ADGRV1: variants seen among roughly 807,000 people sequenced by gnomAD.
ADGRV1 encodes G-protein coupled receptor 98.
In ADGRV1, 359 loss-of-function variants were observed where a neutral mutation model predicts 596.2. That is an observed-to-expected ratio of 0.60 (90% CI 0.55 to 0.66). The LOEUF is 0.66. Ranked by LOEUF, ADGRV1 falls within the 30% of genes least tolerant of loss-of-function variation. The pLI is 0.00. For missense variants in ADGRV1, 7,274 were observed against 7,575.6 expected (o/e 0.96, Z 1.48); for synonymous variants, 2,681 against 2,679.2 (o/e 1.00, Z -0.02).
In ADGRV1 at chr5:90,692,658, T is replaced by G. The variant is rs753961140; in HGVS notation, c.7005T>G (p.Asp2335Glu). The change falls in exon 32 of 90, where the codon GAT becomes GAG. Residue 2335 changes from aspartate (D) to glutamate (E), a missense_variant. By Grantham distance (45) the Asp-to-Glu change is conservative. Coordinates refer to ENST00000405460, the MANE Select transcript of ADGRV1 (RefSeq NM_032119.4). ...DASGGGTIGL[D>E]RIANIIIPAN... ...CTGGTGGAGGTACTATTGGGTTAGA[T>G]CGAATTGCAAATATTATTATTCCTG... 26 of 1,611,536 alleles carry G rather than the reference T, an allele frequency of 1.6e-5. No homozygotes were observed. Among genetic ancestry groups the G allele is most frequent in the Middle Eastern group, 1.6e-4 (1 of 6,082 alleles).
chr5:90,902,653 A>C (rs2150646459), intron 83 of ADGRV1, among the ~76,000 whole-genome samples: 1 of 152,290 alleles, frequency 6.6e-6, no homozygotes. Context: ...ATCATTTTTA[A>C]GCGATGATAA....
intron 83 of ADGRV1, among the ~76,000 whole-genome samples, chr5:90,869,833 T>TATGTG (rs1186365168): frequency 6.6e-6 from 1 of 152,164 alleles, no homozygotes; most frequent in Non-Finnish European, 1.5e-5. Flanking sequence ...AGAGTTTAAT[T>TATGTG]ACTTGCCATA....
chr5:91,083,531 G>T (rs1266946888), intron 86 of ADGRV1, among the ~76,000 whole-genome samples: 1 of 151,712 alleles, frequency 6.6e-6, no homozygotes, highest in Non-Finnish European at 1.5e-5. Flanking sequence ...TTTGTTTTTT[G>T]TTTTCAGAGA....
rs2149656491 is a variant in ADGRV1, at chr5:90,696,989, G to A, written c.7998G>A (p.Glu2666=). 3.1e-6 allele frequency: 5 copies of A among 1,613,136 alleles called. No homozygotes were observed. The highest frequency in any genetic ancestry group is 3.4e-6 in the Non-Finnish European group (4 of 1,179,334). Reference sequence around the variant, plus strand: ...CCATCTTGGATGACTCTGAACCAGAGGATGACGAAAGTATCATAGTTAGTT... The same window carrying A: ...CCATCTTGGATGACTCTGAACCAGAAGATGACGAAAGTATCATAGTTAGTT... The part of the protein sequence containing the change: ...ILTILDDSEP[E]DDESIIVSLV... The change falls in exon 34 of 90, where the codon GAG becomes GAA. Residue 2666 remains glutamate (E), a synonymous_variant. Coordinates refer to ENST00000405460, the MANE Select transcript of ADGRV1 (RefSeq NM_032119.4).
At chr5:90,890,543 A>C (rs1770711850) in intron 83 of ADGRV1, among the ~76,000 whole-genome samples, 1 of 152,202 alleles carries the variant, frequency 6.6e-6, no homozygotes, top group Admixed American at 6.6e-5. Flanking sequence ...TGAGGTAGGC[A>C]TATTATGAAG....
chr5:91,124,391 A>G (rs1015312629), intron 87 of ADGRV1, among the ~76,000 whole-genome samples: 5 of 152,198 alleles, frequency 3.3e-5, no homozygotes, highest in Admixed American at 6.5e-5. Context: ...TTCTCTCACC[A>G]TTAAGTGGGG....
intron 79 of ADGRV1, among the ~76,000 whole-genome samples, chr5:90,850,009 G>A (rs1316321120): frequency 3.3e-5 from 5 of 152,118 alleles, no homozygotes; most frequent in African/African-American, 4.8e-5. Flanking sequence ...ATTTACAGAT[G>A]TAGACACTAA....
rs1748594742 is a variant in ADGRV1, at chr5:90,706,364, A to T, written c.8700A>T (p.Thr2900=). Residue 2900 remains threonine, a synonymous_variant, in exon 38 of 90, where the codon ACA becomes ACT. Transcript: ENST00000405460. The part of the protein sequence containing the change: ...IGFLILEEGE[T]AAAINITILE... Reference sequence around the variant, plus strand: ...TTCTGATTTTAGAAGAAGGGGAAACAGCAGCAGCCATCAACATTACCATTC... The same window carrying T: ...TTCTGATTTTAGAAGAAGGGGAAACTGCAGCAGCCATCAACATTACCATTC... 1 of 1,610,974 alleles carries T rather than the reference A, an allele frequency of 6.2e-7. No homozygotes were observed. The highest frequency in any genetic ancestry group is 8.5e-7 in the Non-Finnish European group (1 of 1,178,748).
chr5:90,992,324 C>T (rs1270833419), intron 85 of ADGRV1, among the ~76,000 whole-genome samples: 1 of 152,148 alleles, frequency 6.6e-6, no homozygotes, highest in Non-Finnish European at 1.5e-5. Context: ...TCTGCTAATA[C>T]CTTGTTCTCT....
intron 85 of ADGRV1, among the ~76,000 whole-genome samples, chr5:91,054,547 T>G (rs1430337572): frequency 6.6e-6 from 1 of 152,130 alleles, no homozygotes; most frequent in African/African-American, 2.4e-5. Flanking sequence ...CTTATTTCTC[T>G]TGGTTCTGGA....
Position 90,628,779 on chromosome 5 carries a change from CA to C in ADGRV1, c.1459del (p.Ile487PhefsTer12). On this transcript the variant is annotated frameshift_variant, in exon 8 of 90. Transcript: ENST00000405460. LOFTEE classifies it high-confidence loss of function. Reference sequence around the variant, plus strand: ...AGAAGAGGCAGAAGCTTATCTACTTCAAATTCTGCCTCATACAATACGAGGA... The same window carrying C: ...AGAAGAGGCAGAAGCTTATCTACTTCAATTCTGCCTCATACAATACGAGGA... ...LPEEAEAYLLQILPHTIRGGA... is the reference protein window; with the variant it reads ...LPEEAEAYLLXILPHTIRGGA... 6.2e-7 allele frequency: 1 copy of C among 1,613,962 alleles called. No homozygotes were observed. Among genetic ancestry groups the C allele is most frequent in the Non-Finnish European group, 8.5e-7 (1 of 1,179,838 alleles).
intron 19 of ADGRV1, 118 bp from the exon 20 acceptor site, chr5:90,653,091 G>A (rs759905815): frequency 5.3e-6 from 5 of 943,020 alleles, no homozygotes; most frequent in Admixed American, 2.9e-5. Flanking sequence ...ACTTTTCATT[G>A]ATAATGAGTA....
At chr5:90,908,005 C>T (rs532303872) in intron 83 of ADGRV1, among the ~76,000 whole-genome samples, 6 of 152,000 alleles carry the variant, frequency 3.9e-5, no homozygotes, top group Non-Finnish European at 7.4e-5. Context: ...GGTGCACTGC[C>T]ATGCCAGGTT....
intron 34 of ADGRV1, among the ~76,000 whole-genome samples, chr5:90,699,234 T>C (rs1747588629): frequency 6.6e-6 from 1 of 152,220 alleles, no homozygotes; most frequent in Non-Finnish European, 1.5e-5. Flanking sequence ...TCTAGTCATT[T>C]ATTTTATTCT....
At chr5:91,026,939 C>T (rs1241714350) in intron 85 of ADGRV1, among the ~76,000 whole-genome samples, 3 of 151,718 alleles carry the variant, frequency 2.0e-5, no homozygotes, top group African/African-American at 4.8e-5. Flanking sequence ...GCCAGGAGTT[C>T]GAGACCAACC....
At chr5:91,072,256 T>G (rs1442897114) in intron 85 of ADGRV1, among the ~76,000 whole-genome samples, 191 bp from the exon 86 acceptor site, 1 of 152,250 alleles carries the variant, frequency 6.6e-6, no homozygotes, top group African/African-American at 2.4e-5. Flanking sequence ...GGGAACCTAC[T>G]GTGTGAAGCA....
At chr5:91,079,555 C>T (rs1789157641) in intron 86 of ADGRV1, among the ~76,000 whole-genome samples, 1 of 152,112 alleles carries the variant, frequency 6.6e-6, no homozygotes, top group South Asian at 2.1e-4. Context: ...TCAGGAGTTG[C>T]CTAAGGCTTT....
chr5:90,984,753 T>C (rs927718779), intron 84 of ADGRV1, among the ~76,000 whole-genome samples: 6 of 152,150 alleles, frequency 3.9e-5, no homozygotes, highest in Admixed American at 3.9e-4. Flanking sequence ...GGAGAGAGTA[T>C]AAATTGGGAA....
At chr5:90,636,325 G>T (rs944689144) in intron 10 of ADGRV1, among the ~76,000 whole-genome samples, 4 of 152,168 alleles carry the variant, frequency 2.6e-5, no homozygotes, top group African/African-American at 9.6e-5. Context: ...AAGGAGAGCT[G>T]TTTTTGTTAT....
Sources: allele counts gnomAD v4.1 joint callset (sites outside exome capture counted in the v4.1 genomes callset), GRCh38; gene constraint gnomAD v4.1.1; transcripts MANE v1.5; gene names NCBI Gene and HGNC (gene_info 2026-07-23, HGNC 2026-07-21).